DGKH: variants seen among roughly 807,000 people sequenced by gnomAD.
The protein encoded by DGKH is DAG kinase eta.
A neutral mutation model predicts 159.3 loss-of-function variants in DGKH; 90 were observed. The observed-to-expected ratio is 0.57, with a 90% CI of 0.48 to 0.67. DGKH has a LOEUF of 0.67. Ranked by LOEUF, DGKH falls within the 30% of genes least tolerant of loss-of-function variation. The pLI, the probability that DGKH is intolerant of heterozygous loss-of-function variation, is 0.00. For synonymous variants in DGKH, 536 were observed against 553.8 expected, an observed-to-expected ratio of 0.97 and a Z score of 0.45; for missense variants, 1,181 against 1,506.1, an observed-to-expected ratio of 0.78 and a Z score of 3.57.
intron 3 of DGKH, among the ~76,000 whole-genome samples, chr13:42,147,785 G>T (rs77773076): frequency 5.9e-5 from 9 of 151,986 alleles, no homozygotes; most frequent in Non-Finnish European, 1.3e-4. Flanking sequence ...TCCCATGTGC[G>T]TTGTAATAGT....
intron 1 of DGKH, among the ~76,000 whole-genome samples, chr13:42,067,708 A>T (rs569626027): frequency 1.3e-5 from 2 of 151,630 alleles, no homozygotes; most frequent in Non-Finnish European, 2.9e-5. Context: ...TTAATTAATT[A>T]ATTTTTTTTT....
intron 29 of DGKH, 131 bp downstream of exon 29, chr13:42,221,525 G>C (rs886414340): frequency 5.0e-5 from 59 of 1,174,662 alleles, no homozygotes; most frequent in Non-Finnish European, 6.7e-5. Context: ...AACATTCACT[G>C]TCCTGTGGTC....
At chr13:42,213,182 A>G (rs1259063759) in intron 24 of DGKH, among the ~76,000 whole-genome samples, 7 of 152,186 alleles carry the variant, frequency 4.6e-5, no homozygotes, top group South Asian at 2.1e-4. Context: ...TTGTCCCTAT[A>G]AAAAATGATA....
intron 3 of DGKH, among the ~76,000 whole-genome samples, chr13:42,134,729 G>A (rs948605918): frequency 2.7e-4 from 41 of 152,114 alleles, no homozygotes; most frequent in African/African-American, 7.5e-4. Context: ...TTTGCTGGGC[G>A]TGGTGGCTCA....
chr13:42,217,691 A>G (rs1421666978), intron 26 of DGKH, among the ~76,000 whole-genome samples: 2 of 152,170 alleles, frequency 1.3e-5, no homozygotes, highest in East Asian at 3.9e-4. Flanking sequence ...GAACTCTATA[A>G]TTTTAAAGTA....
upstream of DGKH, among the ~76,000 whole-genome samples, chr13:42,047,642 G>A (rs955888563): frequency 1.3e-5 from 2 of 152,200 alleles, no homozygotes; most frequent in African/African-American, 4.8e-5. Flanking sequence ...GCCAGTCCGC[G>A]GTTCCCAAGT....
At chr13:42,053,533 TA>T (rs879263544) in intron 1 of DGKH, among the ~76,000 whole-genome samples, 24,733 of 104,320 alleles carry the variant, frequency 0.24, 2,543 homozygotes, top group East Asian at 0.33. Flanking sequence ...TATAACTATA[TA>T]TGTATATATA....
chr13:42,249,594 A>T (rs1034354048), intron 29 of DGKH, among the ~76,000 whole-genome samples: 1 of 152,228 alleles, frequency 6.6e-6, no homozygotes, highest in Non-Finnish European at 1.5e-5. Context: ...TACTCTGCCA[A>T]TGTGGCAGGA....
chr13:42,063,386 A>G (rs1416370434), intron 1 of DGKH, among the ~76,000 whole-genome samples: 1 of 152,224 alleles, frequency 6.6e-6, no homozygotes. Flanking sequence ...TCAGGGGAGC[A>G]GTAGAGAGGT....
chr13:42,166,483 T>A, intron 8 of DGKH, 32 bp from the exon 9 acceptor site: 1 of 1,441,404 alleles, frequency 6.9e-7, no homozygotes, highest in Non-Finnish European at 9.2e-7. Context: ...GAAAGCTGTA[T>A]GTATTGATCT....
intron 1 of DGKH, chr13:42,070,509 A>G: frequency 7.6e-7 from 1 of 1,319,960 alleles, no homozygotes; most frequent in Non-Finnish European, 1.1e-6. Context: ...GATCTGTACC[A>G]TTTAGTAACC....
chr13:42,186,823 A>T (rs1956939795), intron 13 of DGKH, among the ~76,000 whole-genome samples: 1 of 152,234 alleles, frequency 6.6e-6, no homozygotes, highest in South Asian at 2.1e-4. Flanking sequence ...TAATTACTAT[A>T]ATTTAAGTAA....
chr13:42,245,671 C>CA (rs1958575600), downstream of DGKH, among the ~76,000 whole-genome samples: 1 of 152,054 alleles, frequency 6.6e-6, no homozygotes, highest in Non-Finnish European at 1.5e-5. Context: ...CTGCAACCAC[C>CA]GCCTCCCAGG....
At chr13:42,049,667 G>A (rs1304809292) in intron 1 of DGKH, among the ~76,000 whole-genome samples, 1 of 152,236 alleles carries the variant, frequency 6.6e-6, no homozygotes, top group Non-Finnish European at 1.5e-5. Context: ...CCAAGTGCAG[G>A]CAGGGTTCAG....
intron 1 of DGKH, among the ~76,000 whole-genome samples, chr13:42,080,288 G>A (rs990323293): frequency 9.2e-5 from 14 of 152,234 alleles, no homozygotes; most frequent in African/African-American, 2.6e-4. Context: ...TTAACTGCAC[G>A]ATTCCAGATT....
rs972562355 is a variant in DGKH at position 42,235,060 on chromosome 13, G to C, written c.*5872G>C. The C allele has an allele frequency of 1.3e-5, 2 of 152,124 alleles. No homozygotes were observed. The highest frequency in any genetic ancestry group is 2.9e-5 in the Non-Finnish European group (2 of 68,002). The allele number at this position is 152,124 out of a possible 1,614,324, so 9.4% of individuals were successfully genotyped here. ...GTTTTATCATTGTAGAGAACAGAGA[G>C]ATCAAAGACAGCTGGACTGTACCTG... is the stretch of plus-strand genomic sequence containing the variant. On this transcript the variant is annotated 3_prime_UTR_variant, in exon 30 of 30. Coordinates refer to ENST00000337343, the MANE Select transcript of DGKH (RefSeq NM_178009.5).
At chr13:42,097,135 G>T (rs369706328) in intron 1 of DGKH, among the ~76,000 whole-genome samples, 1 of 152,136 alleles carries the variant, frequency 6.6e-6, no homozygotes, top group Non-Finnish European at 1.5e-5. Context: ...AGTGAAATTC[G>T]TGTGGGTTTA....
intron 16 of DGKH, among the ~76,000 whole-genome samples, chr13:42,190,964 T>G (rs1337605838): frequency 2.6e-5 from 4 of 152,224 alleles, no homozygotes; most frequent in Admixed American, 6.5e-5. Flanking sequence ...GTTCCATCGA[T>G]CAACCTTCTG....
chr13:42,152,368 C>G lies in DGKH; in HGVS notation c.385-2923C>G, dbSNP rs143170483. Among the ~76,000 whole-genome samples, 1,252 of 151,804 alleles carry G rather than the reference C, an allele frequency of 8.2e-3. 20 individuals are homozygous for G. Among genetic ancestry groups the G allele is most frequent in the African/African-American group, 0.028 (1,172 of 41,422 alleles). ...AAAGAAATGGTGGTGAAATTGAATT[C>G]TAGCTTTGACCAATAGTCTTCAAAA... is the stretch of plus-strand genomic sequence containing the variant. On this transcript the variant is annotated intron_variant, in intron 3 of 29. Transcript: ENST00000337343.
Sources: allele counts gnomAD v4.1 joint callset (sites outside exome capture counted in the v4.1 genomes callset), GRCh38; gene constraint gnomAD v4.1.1; transcripts MANE v1.5; gene names NCBI Gene and HGNC (gene_info 2026-07-23, HGNC 2026-07-21).